The following NR3C2 variants were observed in gnomAD, a reference collection of about 807,000 sequenced individuals.
The protein encoded by NR3C2 is mineralocorticoid receptor.
In NR3C2, 15 loss-of-function variants were observed where a neutral mutation model predicts 86.4. The observed-to-expected ratio is 0.17, with a 90% confidence interval of 0.12 to 0.27. The LOEUF (loss-of-function observed/expected upper bound fraction) is 0.27, where lower values mean the gene tolerates loss of function less well. NR3C2 is among the 10% of genes least tolerant of loss of function. The pLI, the probability that NR3C2 is intolerant of heterozygous loss-of-function variation, is 1.00. For missense variants in NR3C2, 960 were observed against 1,195.6 expected (o/e 0.80, Z 2.91); for synonymous variants, 458 against 450.5 (o/e 1.02, Z -0.21).
intron 2 of NR3C2, among the ~76,000 whole-genome samples, chr4:148,261,104 G>T (rs1303768312): frequency 6.6e-6 from 1 of 152,088 alleles, no homozygotes; most frequent in Admixed American, 6.5e-5. Context: ...AGTTGGTGGG[G>T]GCATAAACTA....
In NR3C2 at chr4:148,359,840, C is replaced by T. The variant is rs186550528; in HGVS notation, c.1757+75264G>A. 3.5e-3 allele frequency among the ~76,000 whole-genome samples: 529 copies of T among 152,264 alleles called. 1 individual carries two copies. Among genetic ancestry groups the T allele is most frequent in the Middle Eastern group, 0.014 (4 of 294 alleles). The stretch of plus-strand genomic sequence containing the variant: ...ACCTTAAGAATGGCAATGTAATGTA[C>T]AGGAGAGCTAAATCTTTACACACAA... On this transcript the variant is annotated intron_variant, in intron 2 of 8. Transcript: ENST00000358102.
intron 2 of NR3C2, among the ~76,000 whole-genome samples, chr4:148,352,773 G>C (rs1382539861): frequency 6.6e-6 from 1 of 151,978 alleles, no homozygotes; most frequent in African/African-American, 2.4e-5. Context: ...CCAACCATCA[G>C]GTTCTTTTTG....
chr4:148,235,417 G>T (rs1364419575), intron 3 of NR3C2, among the ~76,000 whole-genome samples: 1 of 151,804 alleles, frequency 6.6e-6, no homozygotes, highest in Non-Finnish European at 1.5e-5. Flanking sequence ...ATATTTGAGG[G>T]TTCATTATAC....
At chr4:148,328,883 C>G (rs1001698418) in intron 2 of NR3C2, among the ~76,000 whole-genome samples, 6 of 152,102 alleles carry the variant, frequency 3.9e-5, no homozygotes, top group African/African-American at 1.4e-4. Flanking sequence ...GATTTCAAAG[C>G]CAGACTTCAA....
chr4:148,278,660 AC>A (rs1262574506), intron 2 of NR3C2, among the ~76,000 whole-genome samples: 2 of 152,064 alleles, frequency 1.3e-5, no homozygotes, highest in Non-Finnish European at 2.9e-5. Flanking sequence ...CAAATCCCTT[AC>A]CCTTCAAGAA....
At chr4:148,302,116 A>G (rs1280504091) in intron 2 of NR3C2, among the ~76,000 whole-genome samples, 2 of 152,126 alleles carry the variant, frequency 1.3e-5, no homozygotes, top group Non-Finnish European at 2.9e-5. Context: ...TTGATCTTCA[A>G]ATGATGGTTT....
chr4:148,218,189 A>G, intron 3 of NR3C2, among the ~76,000 whole-genome samples: 1 of 152,232 alleles, frequency 6.6e-6, no homozygotes, highest in East Asian at 1.9e-4. Context: ...ACAAAGGTAA[A>G]TATCATAGCT....
chr4:148,344,539 T>C (rs1744899419), intron 2 of NR3C2, among the ~76,000 whole-genome samples: 2 of 152,162 alleles, frequency 1.3e-5, no homozygotes, highest in South Asian at 4.1e-4. Context: ...CCCAGTGCAT[T>C]GTTTGGCACC....
chr4:148,170,893 T>C (rs1300174482), intron 4 of NR3C2, among the ~76,000 whole-genome samples: 1 of 152,192 alleles, frequency 6.6e-6, no homozygotes, highest in Non-Finnish European at 1.5e-5. Flanking sequence ...ATCAGGTTTA[T>C]TATCACAAGA....
chr4:148,325,623 G>A (rs1743925386), intron 2 of NR3C2, among the ~76,000 whole-genome samples: 1 of 152,180 alleles, frequency 6.6e-6, no homozygotes, highest in Non-Finnish European at 1.5e-5. Flanking sequence ...TGCATAAAAA[G>A]GGTAAGATCA....
At chr4:148,084,618 A>C (rs1012262517) in intron 8 of NR3C2, among the ~76,000 whole-genome samples, 1 of 152,234 alleles carries the variant, frequency 6.6e-6, no homozygotes, top group Admixed American at 6.5e-5. Context: ...CTAATGGGCA[A>C]AACAACCAGC....
chr4:148,113,183 A>G (rs1578895919), intron 8 of NR3C2, among the ~76,000 whole-genome samples: 2 of 152,352 alleles, frequency 1.3e-5, no homozygotes, highest in Middle Eastern at 6.8e-3. Flanking sequence ...AAACAAGCTT[A>G]GAATCTCCTT....
chr4:148,303,788 T>C, intron 2 of NR3C2, among the ~76,000 whole-genome samples: 1 of 152,122 alleles, frequency 6.6e-6, no homozygotes, highest in East Asian at 1.9e-4. Context: ...TGGATAAAGG[T>C]CACGCTAGTA....
chr4:148,107,984 G>A (rs1473175030), intron 8 of NR3C2, among the ~76,000 whole-genome samples: 3 of 152,088 alleles, frequency 2.0e-5, no homozygotes, highest in Non-Finnish European at 4.4e-5. Flanking sequence ...AGCACATTCT[G>A]CACATGTATC....
At position 148,406,331 on chromosome 4, in the gene NR3C2, G is replaced by A. The variant is rs546606211; in HGVS notation, c.1757+28773C>T. On this transcript the variant is annotated intron_variant, in intron 2 of 8. Coordinates refer to ENST00000358102, the MANE Select transcript of NR3C2 (RefSeq NM_000901.5). ...ACATTTTGATGGAGAAATATGAAGA[G>A]TGGTAAGTATAGAGAAGGGGAATTT... 1.1e-4 allele frequency among the ~76,000 whole-genome samples: 17 copies of A among 152,198 alleles called. No individual in the cohort carries two copies. In the East Asian group the frequency reaches 3.1e-3, roughly 28 times the overall value.
chr4:148,289,030 C>A (rs1741670140), intron 2 of NR3C2, among the ~76,000 whole-genome samples: 1 of 152,090 alleles, frequency 6.6e-6, no homozygotes, highest in South Asian at 2.1e-4. Context: ...ACTTATGAGA[C>A]ATAAAGACCA....
At chr4:148,383,378 C>A (rs1747097207) in intron 2 of NR3C2, among the ~76,000 whole-genome samples, 1 of 152,014 alleles carries the variant, frequency 6.6e-6, no homozygotes, top group Non-Finnish European at 1.5e-5. Flanking sequence ...TTTGTAGTAC[C>A]CTAGAAATCT....
chr4:148,340,035 C>A (rs760103952), intron 2 of NR3C2, among the ~76,000 whole-genome samples: 1 of 151,876 alleles, frequency 6.6e-6, no homozygotes, highest in Admixed American at 6.6e-5. Flanking sequence ...AAAACACTGA[C>A]GAAAGAAATT....
chr4:148,207,567 C>T (rs1579012798), intron 3 of NR3C2, among the ~76,000 whole-genome samples: 1 of 152,310 alleles, frequency 6.6e-6, no homozygotes, highest in Middle Eastern at 3.4e-3. Context: ...ATTCATAAGG[C>T]AGTAATGGGC....
Sources: gnomAD v4.1 joint callset for allele counts (sites outside exome capture counted in the v4.1 genomes callset) on GRCh38, gnomAD v4.1.1 for gene constraint, MANE v1.5 for transcripts, NCBI Gene and HGNC (gene_info 2026-07-23, HGNC 2026-07-21) for gene names.